Variants in UBE2H observed in about 807,000 individuals in gnomAD.
The protein encoded by UBE2H is ubiquitin conjugating enzyme E2 H, also known as ubiquitin-conjugating enzyme E2 H.
In UBE2H, 3 loss-of-function variants were observed where a neutral mutation model predicts 29.0. The ratio of observed to expected loss-of-function variants is 0.10; its 90% CI spans 0.05 to 0.27. The LOEUF is 0.27. Among genes scored for constraint, UBE2H ranks in the 10% least tolerant of loss-of-function variants. The pLI is 1.00. For missense variants in UBE2H, 68 were observed against 228.2 expected (o/e 0.30, Z 4.52); for synonymous variants, 69 against 82.9 (o/e 0.83, Z 0.91).
intron 1 of UBE2H, among the ~76,000 whole-genome samples, chr7:129,898,275 G>A (rs968396244): frequency 6.6e-6 from 1 of 152,106 alleles, no homozygotes; most frequent in African/African-American, 2.4e-5. Flanking sequence ...TGCCATATTA[G>A]CAAAACTGCT....
intron 1 of UBE2H, among the ~76,000 whole-genome samples, chr7:129,886,768 A>G (rs2466989): frequency 2.2e-5 from 1 of 45,864 alleles, no homozygotes; most frequent in African/African-American, 6.2e-5. Context: ...GTTTTTTGGT[A>G]AAAAAAAAAA....
intron 1 of UBE2H, among the ~76,000 whole-genome samples, chr7:129,920,848 CAAAAAAAAA>C (rs11347186): frequency 1.4e-4 from 10 of 73,998 alleles, no homozygotes; most frequent in Non-Finnish European, 7.7e-5. Context: ...TAGAAAAAGT[CAAAAAAAAA>C]AAAAAAAAAA....
chr7:129,951,948 GCT>G (rs1186353848), intron 1 of UBE2H, among the ~76,000 whole-genome samples: 1 of 152,102 alleles, frequency 6.6e-6, no homozygotes, highest in African/African-American at 2.4e-5. Flanking sequence ...AACACACAGA[GCT>G]CTTTCTTAGA....
chr7:129,930,489 G>A (rs937169617), intron 1 of UBE2H, among the ~76,000 whole-genome samples: 2 of 151,602 alleles, frequency 1.3e-5, no homozygotes, highest in African/African-American at 2.4e-5. Flanking sequence ...TAAAGACCTC[G>A]GCTGGGCATG....
At chr7:129,933,681 C>G (rs1180009426) in intron 1 of UBE2H, among the ~76,000 whole-genome samples, 2 of 152,198 alleles carry the variant, frequency 1.3e-5, no homozygotes, top group Non-Finnish European at 2.9e-5. Flanking sequence ...GAGGAAGATT[C>G]AACACTTTCC....
At chr7:129,897,839 T>TTAA in intron 1 of UBE2H, among the ~76,000 whole-genome samples, 1 of 152,200 alleles carries the variant, frequency 6.6e-6, no homozygotes, top group East Asian at 1.9e-4. Flanking sequence ...AAAAATAGTG[T>TTAA]CTTCTTGATT....
intron 1 of UBE2H, chr7:129,948,939 C>A: frequency 2.2e-6 from 1 of 453,382 alleles, no homozygotes; most frequent in South Asian, 1.6e-5. Flanking sequence ...TGTATATAAA[C>A]ACACTCTCTT....
chr7:129,879,530 C>T, intron 3 of UBE2H, 38 bp downstream of exon 3: 4 of 1,571,638 alleles, frequency 2.5e-6, no homozygotes, highest in Non-Finnish European at 3.5e-6. Flanking sequence ...CCTTAGATTT[C>T]AAAACTCTCT....
chr7:129,838,880 G>A (rs1319594768), intron 6 of UBE2H, among the ~76,000 whole-genome samples: 7 of 152,102 alleles, frequency 4.6e-5, no homozygotes, highest in South Asian at 2.1e-4. Flanking sequence ...CTTGTGATCC[G>A]CCTGCCTCGG....
intron 4 of UBE2H, 81 bp downstream of exon 4, chr7:129,858,821 C>A (rs12532959): frequency 1.5e-6 from 2 of 1,359,918 alleles, no homozygotes; most frequent in Admixed American, 3.7e-5. Flanking sequence ...AAAAAGATAA[C>A]CGAGGCTTTT....
intron 2 of UBE2H, among the ~76,000 whole-genome samples, chr7:129,879,929 C>T (rs1806221200): frequency 6.6e-6 from 1 of 152,100 alleles, no homozygotes; most frequent in African/African-American, 2.4e-5. Flanking sequence ...ATGTTACTTT[C>T]CCTCCTATCT....
intron 3 of UBE2H, among the ~76,000 whole-genome samples, chr7:129,867,714 AAAAGAAAACCAAAAAAAAAAAAAAAAAAG>A (rs1805936288): frequency 1.1e-5 from 1 of 88,976 alleles, no homozygotes; most frequent in Non-Finnish European, 2.3e-5. Flanking sequence ...AAAAAAAAAA[AAAAGAAAACCAAAAAAAAAAAAAAAAAAG>A]AAGACCATCC....
At chr7:129,861,944 T>C (rs1187423000) in intron 3 of UBE2H, among the ~76,000 whole-genome samples, 1 of 152,188 alleles carries the variant, frequency 6.6e-6, no homozygotes, top group East Asian at 1.9e-4. Flanking sequence ...TACACAAGCA[T>C]TAACTAGTGC....
chr7:129,930,621 A>G (rs982763655), intron 1 of UBE2H, among the ~76,000 whole-genome samples: 2 of 151,614 alleles, frequency 1.3e-5, no homozygotes, highest in Non-Finnish European at 2.9e-5. Flanking sequence ...ATAAAAAAAA[A>G]TTAACAGCTG....
intron 5 of UBE2H, among the ~76,000 whole-genome samples, chr7:129,843,415 T>C (rs1440433962): frequency 1.3e-5 from 2 of 152,144 alleles, no homozygotes; most frequent in African/African-American, 4.8e-5. Flanking sequence ...GTCAATGAGG[T>C]AGGCACCATT....
chr7:129,898,630 G>GAACTATTT (rs1486701293), intron 1 of UBE2H, among the ~76,000 whole-genome samples: 2 of 152,072 alleles, frequency 1.3e-5, no homozygotes, highest in African/African-American at 2.4e-5. Context: ...AAAAACTATT[G>GAACTATTT]AGTTTCCTTC....
Position 129,857,429 on chromosome 7 carries a change from T to G in UBE2H, c.298+82A>C, listed in dbSNP as rs574261121. ...CCTTCCCATTACCAACAAAACATCT[T>G]AAACCAGAAAAGAAAAGCCAAACAA... On this transcript the variant is annotated intron_variant, in intron 5 of 6. Coordinates refer to ENST00000355621, the MANE Select transcript of UBE2H (RefSeq NM_003344.4). 7.5e-6 allele frequency: 11 copies of G among 1,473,880 alleles called. No homozygotes were observed. The South Asian group carries it at 1.4e-4, about 18-fold the overall frequency. The allele number at this position is 1,473,880 out of a possible 1,614,324, so 91.3% of individuals were successfully genotyped here.
Position 129,847,194 on chromosome 7 carries a change from C to T in UBE2H, c.299-7859G>A, listed in dbSNP as rs938748045. On this transcript the variant is annotated intron_variant, in intron 5 of 6. Coordinates refer to ENST00000355621, the MANE Select transcript of UBE2H (RefSeq NM_003344.4). ...CTAGAGTAGCTGGATTACAGGTGCA[C>T]GCCCAGCTAATTTTTTGTATTTTTA... Among the ~76,000 whole-genome samples, 12 of 152,118 alleles carry T rather than the reference C, an allele frequency of 7.9e-5. No homozygotes were observed. The South Asian group carries it at 8.3e-4, about 11-fold the overall frequency.
intron 1 of UBE2H, among the ~76,000 whole-genome samples, chr7:129,950,657 A>ACCCTT (rs1442159954): frequency 1.3e-5 from 2 of 152,184 alleles, no homozygotes; most frequent in Non-Finnish European, 2.9e-5. Flanking sequence ...TCCCAATTAA[A>ACCCTT]CATTAGGTAG....
Sources: gnomAD v4.1 joint callset for allele counts (sites outside exome capture counted in the v4.1 genomes callset) on GRCh38, gnomAD v4.1.1 for gene constraint, MANE v1.5 for transcripts, NCBI Gene and HGNC (gene_info 2026-07-23, HGNC 2026-07-21) for gene names.